Variants in CTNNA3 observed in about 807,000 individuals in gnomAD.
CTNNA3 encodes the protein catenin alpha-3.
CTNNA3 carries 76 observed loss-of-function variants against 95.7 expected under a neutral mutation model. That is an observed-to-expected ratio of 0.79 (90% CI 0.66 to 0.96). The LOEUF is 0.96. Among genes scored for constraint, CTNNA3 ranks in the 40% least tolerant of loss-of-function variants. The pLI is 0.00. For missense variants in CTNNA3, 1,191 were observed against 1,089.8 expected (o/e 1.09, Z -1.31); for synonymous variants, 431 against 374.4 (o/e 1.15, Z -1.74).
intron 5 of CTNNA3, among the ~76,000 whole-genome samples, chr10:67,330,374 A>G (rs1013078345): frequency 6.6e-6 from 1 of 152,198 alleles, no homozygotes; most frequent in Non-Finnish European, 1.5e-5. Flanking sequence ...TACAGTCTCC[A>G]ATGGGTCCTC....
At chr10:66,427,135 C>G (rs7914340) in intron 11 of CTNNA3, among the ~76,000 whole-genome samples, 58,003 of 151,644 alleles carry the variant, frequency 0.38, 11,654 homozygotes, top group African/African-American at 0.5. Flanking sequence ...TGTAACTCTA[C>G]CCTTTAGTTG....
intron 1 of CTNNA3, among the ~76,000 whole-genome samples, chr10:67,663,802 TC>T (rs1295486464): frequency 6.6e-6 from 1 of 152,194 alleles, no homozygotes; most frequent in Non-Finnish European, 1.5e-5. Flanking sequence ...TACCCTCTTG[TC>T]TTTTTTCAAT....
chr10:66,651,078 G>C (rs895187426), intron 9 of CTNNA3, among the ~76,000 whole-genome samples: 7 of 152,088 alleles, frequency 4.6e-5, no homozygotes, highest in African/African-American at 1.7e-4. Flanking sequence ...AGACACAAAA[G>C]TTCTGGAAGT....
chr10:66,551,011 T>C (rs1212659937), intron 10 of CTNNA3, among the ~76,000 whole-genome samples: 1 of 140,948 alleles, frequency 7.1e-6, no homozygotes, highest in East Asian at 2.1e-4. Flanking sequence ...TTATTTTTTC[T>C]TTATTAAGTG....
chr10:66,716,048 C>T (rs2132620351), intron 9 of CTNNA3, among the ~76,000 whole-genome samples: 1 of 152,080 alleles, frequency 6.6e-6, no homozygotes, highest in East Asian at 1.9e-4. Flanking sequence ...TTAATTTTGT[C>T]TCATTTAACA....
intron 12 of CTNNA3, among the ~76,000 whole-genome samples, chr10:66,368,122 A>C (rs2092726920): frequency 6.9e-6 from 1 of 144,456 alleles, no homozygotes; most frequent in African/African-American, 2.6e-5. Context: ...TTTCTCAAGA[A>C]GATCTACACA....
At chr10:66,089,685 G>A (rs2081137785) in intron 14 of CTNNA3, among the ~76,000 whole-genome samples, 1 of 151,276 alleles carries the variant, frequency 6.6e-6, no homozygotes, top group African/African-American at 2.4e-5. Context: ...TCCTTTATAT[G>A]CATTATTTCT....
Position 66,143,165 on chromosome 10 carries a change from G to A in CTNNA3, c.1885-39916C>T, listed in dbSNP as rs189026080. Reference sequence around the variant, plus strand: ...AAATATGAACCATTTGACAGAAATTGGCTATCCTGAAAAATTGGAATACAT... The same window carrying A: ...AAATATGAACCATTTGACAGAAATTAGCTATCCTGAAAAATTGGAATACAT... On this transcript the variant is annotated intron_variant, in intron 13 of 17. Transcript: ENST00000433211. Among the ~76,000 whole-genome samples, 14 of 152,028 alleles carry A rather than the reference G, an allele frequency of 9.2e-5. 1 individual carries two copies. In the East Asian group the frequency reaches 2.7e-3, roughly 29 times the overall value.
intron 13 of CTNNA3, among the ~76,000 whole-genome samples, chr10:66,242,471 G>A (rs1219606734): frequency 1.3e-5 from 2 of 151,956 alleles, no homozygotes; most frequent in African/African-American, 4.8e-5. Flanking sequence ...AAGAACATAC[G>A]AAGAACTGCC....
chr10:66,116,427 C>T (rs1564662029), intron 13 of CTNNA3, among the ~76,000 whole-genome samples: 1 of 152,048 alleles, frequency 6.6e-6, no homozygotes, highest in Admixed American at 6.6e-5. Context: ...GACTTGTATA[C>T]AAATATTTAT....
intron 5 of CTNNA3, among the ~76,000 whole-genome samples, chr10:67,483,648 A>T (rs1848330146): frequency 6.6e-6 from 1 of 151,834 alleles, no homozygotes; most frequent in Non-Finnish European, 1.5e-5. Flanking sequence ...TAGGAGATAT[A>T]CCTAATGCTA....
intron 7 of CTNNA3, among the ~76,000 whole-genome samples, chr10:66,855,977 T>C (rs1236884093): frequency 6.6e-6 from 1 of 151,996 alleles, no homozygotes; most frequent in Non-Finnish European, 1.5e-5. Context: ...GCAGGTTTGT[T>C]ATGTGAATAA....
chr10:67,330,964 A>G (rs1841770038), intron 5 of CTNNA3, among the ~76,000 whole-genome samples: 1 of 152,220 alleles, frequency 6.6e-6, no homozygotes, highest in African/African-American at 2.4e-5. Flanking sequence ...ACTTGCTGAA[A>G]CCACCTTTAC....
intron 5 of CTNNA3, among the ~76,000 whole-genome samples, chr10:67,313,863 A>G (rs553878614): frequency 6.6e-6 from 1 of 152,230 alleles, no homozygotes; most frequent in African/African-American, 2.4e-5. Flanking sequence ...AGAGGGTCAT[A>G]CTAGGTAGGA....
At chr10:66,547,781 A>C (rs1842084961) in intron 10 of CTNNA3, among the ~76,000 whole-genome samples, 2 of 152,226 alleles carry the variant, frequency 1.3e-5, no homozygotes, top group Admixed American at 6.5e-5. Context: ...CTTACAATCC[A>C]TAAACATGAC....
intron 7 of CTNNA3, among the ~76,000 whole-genome samples, chr10:66,915,617 T>C (rs539982775): frequency 4.0e-5 from 6 of 151,768 alleles, no homozygotes; most frequent in East Asian, 1.9e-4. Context: ...GAATTGGATA[T>C]TGGAGCCAAG....
intron 12 of CTNNA3, among the ~76,000 whole-genome samples, chr10:66,330,825 T>C (rs1304180013): frequency 1.4e-5 from 2 of 138,988 alleles, no homozygotes; most frequent in Admixed American, 7.6e-5. Context: ...TGGCCAGTGA[T>C]GATGAGCATT....
At chr10:66,340,379 T>C (rs1166399548) in intron 12 of CTNNA3, among the ~76,000 whole-genome samples, 2 of 151,858 alleles carry the variant, frequency 1.3e-5, no homozygotes, top group East Asian at 3.9e-4. Flanking sequence ...AGCTAATCCC[T>C]TGGGTGGTTA....
chr10:67,423,070 A>T (rs987515530), intron 5 of CTNNA3, among the ~76,000 whole-genome samples: 2 of 152,146 alleles, frequency 1.3e-5, no homozygotes, highest in African/African-American at 4.8e-5. Flanking sequence ...TGAATATATT[A>T]AGGAATTTTC....
Sources: gnomAD v4.1 joint callset for allele counts (sites outside exome capture counted in the v4.1 genomes callset) on GRCh38, gnomAD v4.1.1 for gene constraint, MANE v1.5 for transcripts, NCBI Gene and HGNC (gene_info 2026-07-23, HGNC 2026-07-21) for gene names.